SPAG17: variants seen among roughly 807,000 people sequenced by gnomAD.
SPAG17 encodes sperm-associated antigen 17.
A neutral mutation model predicts 273.6 loss-of-function variants in SPAG17; 169 were observed. The observed-to-expected ratio is 0.62, with a 90% CI of 0.55 to 0.70. The LOEUF is 0.70. Ranked by LOEUF, SPAG17 falls within the 30% of genes least tolerant of loss-of-function variation. The pLI is 0.00. For missense variants in SPAG17, 2,557 were observed against 2,627.8 expected, an observed-to-expected ratio of 0.97 and a Z score of 0.59; for synonymous variants, 825 against 873.2, an observed-to-expected ratio of 0.94 and a Z score of 0.97.
chr1:118,077,834 C>CT (rs1654229256), intron 15 of SPAG17, among the ~76,000 whole-genome samples: 1 of 152,258 alleles, frequency 6.6e-6, no homozygotes, highest in Non-Finnish European at 1.5e-5. Context: ...AGGAGCATGG[C>CT]TAAATCATTA....
chr1:118,143,370 T>C (rs1044171884), intron 3 of SPAG17, among the ~76,000 whole-genome samples: 3 of 152,180 alleles, frequency 2.0e-5, no homozygotes, highest in Non-Finnish European at 4.4e-5. Flanking sequence ...CTGATTCAAA[T>C]TTCATCATTC....
intron 3 of SPAG17, among the ~76,000 whole-genome samples, chr1:118,132,969 C>T (rs1445359064): frequency 6.6e-6 from 1 of 152,064 alleles, no homozygotes; most frequent in Non-Finnish European, 1.5e-5. Flanking sequence ...GATAGGGTTT[C>T]ACTATGTTGG....
chr1:118,141,302 T>C (rs1036202955), intron 3 of SPAG17, among the ~76,000 whole-genome samples: 2 of 152,204 alleles, frequency 1.3e-5, no homozygotes, highest in African/African-American at 4.8e-5. Flanking sequence ...ACCTTAGTCA[T>C]TGACTATCAT....
intron 48 of SPAG17, among the ~76,000 whole-genome samples, chr1:117,955,682 A>C (rs541220739): frequency 6.6e-6 from 1 of 152,040 alleles, no homozygotes; most frequent in African/African-American, 2.4e-5. Flanking sequence ...ATGTACATAC[A>C]CAATTGGAAT....
chr1:117,992,693 G>T, intron 35 of SPAG17, 45 bp from the exon 36 acceptor site: 1 of 1,432,328 alleles, frequency 7.0e-7, no homozygotes, highest in Non-Finnish European at 9.2e-7. Flanking sequence ...AAATCAGAAT[G>T]TTTTCACATT....
At chr1:118,041,439 C>T (rs1649739145) in intron 21 of SPAG17, among the ~76,000 whole-genome samples, 1 of 151,930 alleles carries the variant, frequency 6.6e-6, no homozygotes, top group South Asian at 2.1e-4. Flanking sequence ...TGATTGCCCA[C>T]AGAGACAACA....
intron 11 of SPAG17, 24 bp downstream of exon 11, chr1:118,086,847 C>T (rs776787488): frequency 1.9e-6 from 3 of 1,614,144 alleles, no homozygotes; most frequent in Admixed American, 3.3e-5. Context: ...AGCATGAAGA[C>T]TCTGCTATCT....
At chr1:118,064,527 A>C (rs1176999619) in intron 18 of SPAG17, among the ~76,000 whole-genome samples, 1 of 143,946 alleles carries the variant, frequency 6.9e-6, no homozygotes, top group African/African-American at 2.6e-5. Context: ...ATAGGTCGGA[A>C]TTGAACAATG....
chr1:118,183,949 C>T (rs1661061716), intron 1 of SPAG17, among the ~76,000 whole-genome samples: 1 of 152,150 alleles, frequency 6.6e-6, no homozygotes, highest in African/African-American at 2.4e-5. Flanking sequence ...AGTTGACATC[C>T]AGCATTACTA....
At chr1:118,008,325 G>A (rs1659124301) in intron 30 of SPAG17, 127 bp from the exon 31 acceptor site, 1 of 1,062,242 alleles carries the variant, frequency 9.4e-7, no homozygotes, top group Non-Finnish European at 1.4e-6. Context: ...CAATTGTAAA[G>A]TCTAGAGCAA....
At chr1:118,024,262 C>A (rs931234480) in intron 27 of SPAG17, among the ~76,000 whole-genome samples, 1 of 151,904 alleles carries the variant, frequency 6.6e-6, no homozygotes, top group Middle Eastern at 3.4e-3. Flanking sequence ...CATATGGACC[C>A]TTTTTCCATA....
intron 1 of SPAG17, among the ~76,000 whole-genome samples, chr1:118,180,227 C>G (rs994233190): frequency 6.6e-6 from 1 of 151,906 alleles, no homozygotes; most frequent in Non-Finnish European, 1.5e-5. Flanking sequence ...ATAAAGAAAA[C>G]TGTATATATG....
intron 13 of SPAG17, among the ~76,000 whole-genome samples, chr1:118,085,517 C>CGTGCATACGCGTGCGTGT (rs1558001179): frequency 1.3e-5 from 2 of 152,144 alleles, no homozygotes; most frequent in East Asian, 3.9e-4. Flanking sequence ...TGCATGCGTG[C>CGTGCATACGCGTGCGTGT]GTGCATACGC....
intron 34 of SPAG17, 39 bp downstream of exon 34, chr1:117,996,329 CAA>C: frequency 3.2e-6 from 5 of 1,565,176 alleles, no homozygotes; most frequent in Non-Finnish European, 4.3e-6. Flanking sequence ...TGAGAATTGG[CAA>C]AGAGACACCG....
In SPAG17 at chr1:117,958,711, T is replaced by C. The variant is rs187284831; in HGVS notation, c.*1-4662A>G. Among the ~76,000 whole-genome samples, 7 of 152,062 alleles carry C rather than the reference T, an allele frequency of 4.6e-5. No individual in the cohort carries two copies. In the East Asian group the frequency reaches 1.3e-3, roughly 29 times the overall value. On this transcript the variant is annotated intron_variant, in intron 48 of 48. Transcript: ENST00000336338. ...GAATGTGTCATAAGGTTTAGGACAG[T>C]ATTTTTTAAGTTGTCATCAAATTGA... is the stretch of plus-strand genomic sequence containing the variant.
At chr1:117,955,336 AT>A in intron 48 of SPAG17, 1 of 1,612,402 alleles carries the variant, frequency 6.2e-7, no homozygotes, top group Non-Finnish European at 8.5e-7. Flanking sequence ...TGTATTAGAG[AT>A]TTTTAAAGGG....
intron 28 of SPAG17, among the ~76,000 whole-genome samples, chr1:118,017,242 G>T (rs992903996): frequency 1.3e-5 from 2 of 152,032 alleles, no homozygotes; most frequent in African/African-American, 4.8e-5. Flanking sequence ...AGTACTTTAG[G>T]AATTATCTTT....
At chr1:118,120,574 T>G (rs1386509012) in intron 3 of SPAG17, among the ~76,000 whole-genome samples, 1 of 152,204 alleles carries the variant, frequency 6.6e-6, no homozygotes, top group Non-Finnish European at 1.5e-5. Context: ...AATGGCGTAC[T>G]CAGATTTATA....
At chr1:118,145,314 A>C (rs2102332095) in intron 3 of SPAG17, among the ~76,000 whole-genome samples, 1 of 152,334 alleles carries the variant, frequency 6.6e-6, no homozygotes, top group South Asian at 2.1e-4. Context: ...CAGGAATCTG[A>C]AAAAGAGTGG....
Sources: allele counts gnomAD v4.1 joint callset (sites outside exome capture counted in the v4.1 genomes callset), GRCh38; gene constraint gnomAD v4.1.1; transcripts MANE v1.5; gene names NCBI Gene and HGNC (gene_info 2026-07-23, HGNC 2026-07-21).